Variants in TYRP1 observed in about 807,000 individuals in gnomAD.
The protein encoded by TYRP1 is 5,6-dihydroxyindole-2-carboxylic acid oxidase.
Under a neutral mutation model 42.8 loss-of-function variants are expected in TYRP1, and 49 were observed. That is an observed-to-expected ratio of 1.14 (90% CI 0.91 to 1.45). The LOEUF is 1.45. TYRP1 is among the 40% of genes most tolerant of loss of function. TYRP1 has a pLI of 0.00. For synonymous variants in TYRP1, 279 were observed against 235.4 expected (o/e 1.19, Z -1.69); for missense variants, 848 against 662.0 (o/e 1.28, Z -3.08).
intron 5 of TYRP1, 25 bp from the exon 6 acceptor site, chr9:12,704,501 A>G (rs765737565): frequency 1.2e-6 from 2 of 1,604,808 alleles, no homozygotes; most frequent in African/African-American, 1.3e-5. Context: ...TAGTTTTACT[A>G]TTCTCCTCCT....
In TYRP1 at chr9:12,695,587, G is replaced by T. The variant is rs373765858; in HGVS notation, c.458G>T (p.Arg153Leu). 8 of 1,614,114 alleles carry T rather than the reference G, an allele frequency of 5.0e-6. No individual in the cohort carries two copies. The highest frequency in any genetic ancestry group is 1.6e-4 in the Middle Eastern group (1 of 6,062). Residue 153 changes from arginine (R) to leucine (L), a missense_variant, in exon 3 of 8, where the codon CGC becomes CTC. Coordinates refer to ENST00000388918, the MANE Select transcript of TYRP1 (RefSeq NM_000550.3). ...HFVRALDMAK[R>L]TTHPLFVIAT... ...GTCCGGGCCCTGGATATGGCAAAGC[G>T]CACAACTCACCCTTTATTTGTCATT...
chr9:12,694,324 T>C lies in TYRP1; in HGVS notation c.328T>C (p.Cys110Arg), dbSNP rs1818042506. The C allele has an allele frequency of 6.2e-7, 1 of 1,614,022 alleles. No individual in the cohort carries two copies. The highest frequency in any genetic ancestry group is 8.5e-7 in the Non-Finnish European group (1 of 1,179,990). Reference protein sequence around the residue: ...HCNGNFSGHNCGTCRPGWRGA... With the variant: ...HCNGNFSGHNRGTCRPGWRGA... ...CAACGGCAATTTCTCAGGACACAAC[T>C]GTGGGACGTGCCGTCCTGGCTGGAG... The change falls in exon 2 of 8, where the codon TGT (cysteine) becomes CGT (arginine). Residue 110 changes from cysteine to arginine, a missense_variant. By Grantham distance (180) the Cys-to-Arg change is radical. Transcript: ENST00000388918.
rs2118283095 is a variant in TYRP1, at chr9:12,710,065, T to A, written c.*883T>A. 6.6e-6 allele frequency: 1 copy of A among 151,910 alleles called. No individual in the cohort carries two copies. Among genetic ancestry groups the A allele is most frequent in the Middle Eastern group, 3.4e-3 (1 of 294 alleles). 9.4% of individuals were successfully genotyped at this position (151,910 alleles called of 1,614,324 possible). On this transcript the variant is annotated 3_prime_UTR_variant, in exon 8 of 8. Transcript: ENST00000388918. ...ATCATTTATCAGCCTTTTATGTATT[T>A]TCCAAGTAAAATATTAACATATTAT...
At position 12,694,288 on chromosome 9, in the gene TYRP1, A is replaced by C. The variant is rs1173193758; in HGVS notation, c.292A>C (p.Thr98Pro). Residue 98 changes from threonine (T) to proline (P), a missense_variant, in exon 2 of 8, where the codon ACA (threonine) becomes CCA (proline). Thr to Pro is a conservative substitution (Grantham distance 38). Coordinates refer to ENST00000388918, the MANE Select transcript of TYRP1 (RefSeq NM_000550.3). ...EVWPLRFFNR[T>P]CHCNGNFSGH... ...CTGGCCCTTGCGCTTCTTCAATAGG[A>C]CATGTCACTGCAACGGCAATTTCTC... 2 of 1,613,846 alleles carry C rather than the reference A, an allele frequency of 1.2e-6. No individual in the cohort carries two copies. The highest frequency in any genetic ancestry group is 1.7e-6 in the Non-Finnish European group (2 of 1,179,966).
At chr9:12,708,199 C>A in intron 7 of TYRP1, 56 bp downstream of exon 7, 1 of 1,590,626 alleles carries the variant, frequency 6.3e-7, no homozygotes, top group Non-Finnish European at 8.6e-7. Context: ...AATGTGTTAT[C>A]TTTCAAGTAG....
At chr9:12,708,379 G>A (rs1818295966) in intron 7 of TYRP1, among the ~76,000 whole-genome samples, 1 of 151,810 alleles carries the variant, frequency 6.6e-6, no homozygotes, top group South Asian at 2.1e-4. Context: ...ACAATGCTTT[G>A]GGGTGAGTAT....
Position 12,694,248 on chromosome 9 carries a change from A to C in TYRP1, c.252A>C (p.Arg84Ser). The change falls in exon 2 of 8, where the codon AGA becomes AGC. Residue 84 changes from arginine to serine, a missense_variant. Transcript: ENST00000388918. ...GCCCTCAGTATCCCCATGATGGCAG[A>C]GATGATCGGGAGGTCTGGCCCTTGC... Reference protein sequence around the residue: ...PHSPQYPHDGRDDREVWPLRF... With the variant: ...PHSPQYPHDGSDDREVWPLRF... 1 of 1,613,846 alleles carries C rather than the reference A, an allele frequency of 6.2e-7. No homozygotes were observed. Among genetic ancestry groups the C allele is most frequent in the Non-Finnish European group, 8.5e-7 (1 of 1,179,922 alleles).
At position 12,694,016 on chromosome 9, in the gene TYRP1, T is replaced by C. The variant is rs147212712; in HGVS notation, c.20T>C (p.Leu7Pro). ...AGCAGAATGAGTGCTCCTAAACTCCTCTCTCTGGGCTGTATCTTCTTCCCC... is the reference window on the plus strand; with the variant it reads ...AGCAGAATGAGTGCTCCTAAACTCCCCTCTCTGGGCTGTATCTTCTTCCCC... MSAPKLLSLGCIFFPLL... is the reference protein window; with the variant it reads MSAPKLPSLGCIFFPLL... Residue 7 changes from leucine to proline, a missense_variant, in exon 2 of 8, where the codon CTC (leucine) becomes CCC (proline). Transcript: ENST00000388918. The C allele has an allele frequency of 3.1e-6, 5 of 1,613,914 alleles. No homozygotes were observed. Among genetic ancestry groups the C allele is most frequent in the Non-Finnish European group, 4.2e-6 (5 of 1,180,000 alleles).
chr9:12,694,247 G>A lies in TYRP1; in HGVS notation c.251G>A (p.Arg84Lys), dbSNP rs1404121981. 4 of 1,613,760 alleles carry A rather than the reference G, an allele frequency of 2.5e-6. No individual in the cohort carries two copies. The highest frequency in any genetic ancestry group is 1.3e-5 in the African/African-American group (1 of 74,930). The change falls in exon 2 of 8, where the codon AGA becomes AAA. Residue 84 changes from arginine to lysine, a missense_variant. By Grantham distance (26) the Arg-to-Lys change is conservative. Transcript: ENST00000388918. ...AGCCCTCAGTATCCCCATGATGGCA[G>A]AGATGATCGGGAGGTCTGGCCCTTG... ...PHSPQYPHDG[R>K]DDREVWPLRF...
intron 4 of TYRP1, 135 bp downstream of exon 4, chr9:12,698,790 A>G: frequency 2.3e-6 from 2 of 870,528 alleles, no homozygotes; most frequent in South Asian, 1.6e-5. Flanking sequence ...ACAGTGTACC[A>G]GGCATTCATT....
At chr9:12,697,632 A>C (rs949670440) in intron 3 of TYRP1, among the ~76,000 whole-genome samples, 2 of 152,174 alleles carry the variant, frequency 1.3e-5, no homozygotes, top group Non-Finnish European at 2.9e-5. Context: ...TACCATAAAT[A>C]GAACTTCTCA....
rs11787999 is a variant in TYRP1 at position 12,693,732 on chromosome 9, C to T, written c.-85-180C>T. The stretch of plus-strand genomic sequence containing the variant: ...TTTAATTATTTGGGTATCACACATG[C>T]AGGTGTTATATATGCCAAATTTTAA... On this transcript the variant is annotated intron_variant, in intron 1 of 7. Transcript: ENST00000388918. 0.082 allele frequency among the ~76,000 whole-genome samples: 12,436 copies of T among 150,798 alleles called. 666 individuals are homozygous for T. Among genetic ancestry groups the T allele is most frequent in the African/African-American group, 0.15 (5,991 of 40,960 alleles).
intron 7 of TYRP1, 97 bp from the exon 8 acceptor site, chr9:12,708,880 T>A: frequency 1.7e-6 from 2 of 1,160,982 alleles, no homozygotes; most frequent in Non-Finnish European, 2.5e-6. Flanking sequence ...TATGAGGATT[T>A]CTGTTAAAAT....
chr9:12,709,843 GATAT>G lies in TYRP1; in HGVS notation c.*662_*665del, dbSNP rs879601335. On this transcript the variant is annotated 3_prime_UTR_variant, in exon 8 of 8. Transcript: ENST00000388918. ...ATCTTCACTTTCTTAAGCAACAATG[GATAT>G]TGCCTGTGTTTGCCACTGTGTTTCC... is the stretch of plus-strand genomic sequence containing the variant. 2.8e-4 allele frequency: 43 copies of G among 153,144 alleles called. 1 individual carries two copies. The highest frequency in any genetic ancestry group is 5.7e-4 in the Non-Finnish European group (39 of 68,770). 9.5% of individuals were successfully genotyped at this position (153,144 alleles called of 1,614,324 possible).
At position 12,708,961 on chromosome 9, in the gene TYRP1, C is replaced by T. The variant is rs1317412985; in HGVS notation, c.1409-16C>T. ...TTAATATTTGTCTTTTTATTTTTAT[C>T]TTCCTTTCCAAATAGGTCGGGAGTT... On this transcript the variant is annotated splice_polypyrimidine_tract_variant and intron_variant, in intron 7 of 7. Transcript: ENST00000388918. 1 of 1,579,860 alleles carries T rather than the reference C, an allele frequency of 6.3e-7. No individual in the cohort carries two copies. Among genetic ancestry groups the T allele is most frequent in the East Asian group, 2.2e-5 (1 of 44,730 alleles).
At chr9:12,705,048 G>A (rs527865679) in intron 6 of TYRP1, among the ~76,000 whole-genome samples, 11 of 151,888 alleles carry the variant, frequency 7.2e-5, no homozygotes, top group Non-Finnish European at 1.2e-4. Flanking sequence ...TATAAATGAG[G>A]AAAACCTTAT....
chr9:12,698,504 G>A lies in TYRP1; in HGVS notation c.762G>A (p.Gly254=). ...FSLPYWNFAT[G]KNVCDICTDD... is the part of the protein sequence containing the mutation. ...TTCCTTACTGGAATTTTGCAACGGGGAAAAATGTCTGTGATATCTGCACGG... is the reference window on the plus strand; with the variant it reads ...TTCCTTACTGGAATTTTGCAACGGGAAAAAATGTCTGTGATATCTGCACGG... The change falls in exon 4 of 8, where the codon GGG becomes GGA. Residue 254 remains glycine, a synonymous_variant. Transcript: ENST00000388918. 6.2e-7 allele frequency: 1 copy of A among 1,613,798 alleles called. No individual in the cohort carries two copies. Among genetic ancestry groups the A allele is most frequent in the Non-Finnish European group, 8.5e-7 (1 of 1,179,810 alleles).
intron 5 of TYRP1, among the ~76,000 whole-genome samples, chr9:12,703,089 G>A (rs1033673473): frequency 1.3e-5 from 2 of 152,002 alleles, no homozygotes; most frequent in South Asian, 2.1e-4. Context: ...TCAAAATCCA[G>A]TGTCTTTGTA....
Position 12,704,519 on chromosome 9 carries a change from T to G in TYRP1, c.1082-7T>G, listed in dbSNP as rs556808867. The stretch of plus-strand genomic sequence containing the variant: ...TTTTACTATTCTCCTCCTTACCATG[T>G]GTCTAGGTTACAGTGACCCCACGGG... On this transcript the variant is annotated splice_polypyrimidine_tract_variant and splice_region_variant and intron_variant, in intron 5 of 7. Coordinates refer to ENST00000388918, the MANE Select transcript of TYRP1 (RefSeq NM_000550.3). 2 of 1,610,812 alleles carry G rather than the reference T, an allele frequency of 1.2e-6. No homozygotes were observed. Among genetic ancestry groups the G allele is most frequent in the East Asian group, 2.2e-5 (1 of 44,820 alleles).
Sources: allele counts gnomAD v4.1 joint callset (sites outside exome capture counted in the v4.1 genomes callset), GRCh38; gene constraint gnomAD v4.1.1; transcripts MANE v1.5; gene names NCBI Gene and HGNC (gene_info 2026-07-23, HGNC 2026-07-21).